CALD1: variants seen among roughly 807,000 people sequenced by gnomAD.
CALD1 encodes the protein caldesmon 1, also known as caldesmon.
In CALD1, 33 loss-of-function variants were observed where a neutral mutation model predicts 99.9. The ratio of observed to expected loss-of-function variants is 0.33; its 90% CI spans 0.25 to 0.44. The LOEUF is 0.44. Among genes scored for constraint, CALD1 ranks in the 20% least tolerant of loss-of-function variants. CALD1 has a pLI of 1.00. For missense variants in CALD1, 861 were observed against 962.1 expected (o/e 0.89, Z 1.39); for synonymous variants, 310 against 325.0 (o/e 0.95, Z 0.50).
At chr7:134,835,274 T>A (rs1035720147) in intron 1 of CALD1, among the ~76,000 whole-genome samples, 1 of 152,208 alleles carries the variant, frequency 6.6e-6, no homozygotes, top group African/African-American at 2.4e-5. Context: ...TCTCTGTCAG[T>A]GTTTCATGCT....
In CALD1 at chr7:134,965,313, GA is replaced by G; in HGVS notation, c.2304del (p.Arg768SerfsTer44). ...KSPAPKPSDL[R>X]PGDVSSKRNL... ...CTGCTTCCTTTTTATCAGGACTTGA[GA>G]CCAGGAGACGTATCCAGCAAGCGGA... On this transcript the variant is annotated frameshift_variant, in exon 14 of 15. Transcript: ENST00000361675. LOFTEE classifies it high-confidence loss of function. 6.4e-7 allele frequency: 1 copy of G among 1,567,838 alleles called. No individual in the cohort carries two copies.
intron 1 of CALD1, among the ~76,000 whole-genome samples, chr7:134,747,510 A>G (rs772786817): frequency 5.3e-5 from 8 of 152,242 alleles, no homozygotes; most frequent in Admixed American, 4.6e-4. Flanking sequence ...ATTGTTCGAG[A>G]CAATGGATTA....
intron 1 of CALD1, among the ~76,000 whole-genome samples, chr7:134,819,447 C>T (rs1563022825): frequency 6.6e-6 from 1 of 152,312 alleles, no homozygotes; most frequent in East Asian, 1.9e-4. Flanking sequence ...GAACTTGGGC[C>T]ATACCGCTCA....
intron 3 of CALD1, among the ~76,000 whole-genome samples, chr7:134,888,974 C>G (rs111260408): frequency 2.8e-5 from 4 of 142,276 alleles, no homozygotes; most frequent in African/African-American, 8.3e-5. Flanking sequence ...CAGAAAGAAC[C>G]ACAATTTTTT....
the CALD1 span, among the ~76,000 whole-genome samples, chr7:134,737,794 A>C: frequency 1.3e-5 from 2 of 152,174 alleles, no homozygotes; most frequent in African/African-American, 2.4e-5. Flanking sequence ...GGATGGTGGA[A>C]TGTCTCTCTG....
At chr7:134,958,480 C>T (rs916781224) in intron 11 of CALD1, among the ~76,000 whole-genome samples, 190 bp downstream of exon 11, 2 of 148,150 alleles carry the variant, frequency 1.3e-5, no homozygotes, top group Non-Finnish European at 3.0e-5. Flanking sequence ...GCAATCTCAG[C>T]TCACTGCAAC....
intron 2 of CALD1, among the ~76,000 whole-genome samples, chr7:134,848,625 C>A (rs550318137): frequency 2.0e-5 from 3 of 152,294 alleles, no homozygotes; most frequent in African/African-American, 7.2e-5. Flanking sequence ...ATACTGCATT[C>A]ATGTTGGGCC....
intron 1 of CALD1, among the ~76,000 whole-genome samples, chr7:134,829,299 A>G (rs955576901): frequency 2.0e-5 from 3 of 152,254 alleles, no homozygotes; most frequent in Admixed American, 2.0e-4. Flanking sequence ...CTCTATGTCT[A>G]ATGCAACAAA....
chr7:134,758,381 T>C (rs1030752214), intron 1 of CALD1, among the ~76,000 whole-genome samples: 5 of 152,188 alleles, frequency 3.3e-5, no homozygotes, highest in African/African-American at 1.2e-4. Flanking sequence ...ATATTAATCA[T>C]ATTACTAGCA....
intron 13 of CALD1, chr7:134,961,176 A>C (rs1459966097): frequency 6.6e-6 from 1 of 152,276 alleles, no homozygotes. Flanking sequence ...TGGAAACTAG[A>C]AAAACTGGTT....
chr7:134,920,957 T>C (rs1175201005), intron 3 of CALD1, among the ~76,000 whole-genome samples: 2 of 152,246 alleles, frequency 1.3e-5, no homozygotes, highest in Non-Finnish European at 2.9e-5. Flanking sequence ...TCTGAGGCTT[T>C]TTCTCACTTA....
chr7:134,862,660 C>T (rs986274123), intron 2 of CALD1, among the ~76,000 whole-genome samples: 3 of 152,128 alleles, frequency 2.0e-5, no homozygotes, highest in East Asian at 1.9e-4. Flanking sequence ...ACATGACATT[C>T]GGTATTTGGT....
intron 2 of CALD1, among the ~76,000 whole-genome samples, chr7:134,847,696 C>T (rs544184689): frequency 3.2e-4 from 49 of 152,286 alleles, no homozygotes; most frequent in African/African-American, 1.1e-3. Context: ...GGGAATTGCA[C>T]CTGGTCTTAA....
intron 1 of CALD1, among the ~76,000 whole-genome samples, chr7:134,763,917 C>CAA (rs34036528): frequency 2.1e-3 from 220 of 103,362 alleles, no homozygotes; most frequent in African/African-American, 7.8e-3. Flanking sequence ...GACTCCATCT[C>CAA]AAAAAAAAAA....
At chr7:134,908,167 C>T (rs980052435) in intron 3 of CALD1, among the ~76,000 whole-genome samples, 2 of 152,006 alleles carry the variant, frequency 1.3e-5, no homozygotes, top group Admixed American at 1.3e-4. Context: ...AAAATCTTCT[C>T]GGTCACCAGG....
At chr7:134,920,826 A>C in intron 3 of CALD1, 1 of 515,498 alleles carries the variant, frequency 1.9e-6, no homozygotes, top group Non-Finnish European at 3.3e-6. Context: ...TTCTTTTTCA[A>C]AATATAGGAA....
At chr7:134,883,222 A>G (rs1801688616) in intron 3 of CALD1, among the ~76,000 whole-genome samples, 1 of 152,212 alleles carries the variant, frequency 6.6e-6, no homozygotes. Context: ...GTTATCCTAG[A>G]AAGACTCTGA....
At chr7:134,736,806 C>T in the CALD1 span, among the ~76,000 whole-genome samples, 1 of 152,170 alleles carries the variant, frequency 6.6e-6, no homozygotes, top group Non-Finnish European at 1.5e-5. Flanking sequence ...CCATTGCTTT[C>T]TCTAATATTG....
intron 3 of CALD1, among the ~76,000 whole-genome samples, chr7:134,890,022 C>G (rs1802071579): frequency 6.6e-6 from 1 of 152,166 alleles, no homozygotes; most frequent in African/African-American, 2.4e-5. Flanking sequence ...AATTCTCCTG[C>G]CGCAGCCTCC....
Sources: allele counts gnomAD v4.1 joint callset (sites outside exome capture counted in the v4.1 genomes callset), GRCh38; gene constraint gnomAD v4.1.1; transcripts MANE v1.5; gene names NCBI Gene and HGNC (gene_info 2026-07-23, HGNC 2026-07-21).